Variants in ADAP1 observed in about 807,000 individuals in gnomAD.
ADAP1 encodes arf-GAP with dual PH domain-containing protein 1.
Under a neutral mutation model 54.9 loss-of-function variants are expected in ADAP1, and 31 were observed. The ratio of observed to expected loss-of-function variants is 0.56; its 90% CI spans 0.42 to 0.76. ADAP1 has a LOEUF of 0.76. ADAP1 is among the 30% of genes least tolerant of loss of function. The pLI is 0.00. For synonymous variants in ADAP1, 313 were observed against 202.6 expected (o/e 1.55, Z -4.63); for missense variants, 535 against 512.4 (o/e 1.04, Z -0.42).
At chr7:913,462 A>G (rs1845807279) in intron 4 of ADAP1, among the ~76,000 whole-genome samples, 1 of 151,388 alleles carries the variant, frequency 6.6e-6, no homozygotes, top group African/African-American at 2.4e-5. Context: ...CAGCCTCCCA[A>G]AGTGCTGGGA....
intron 6 of ADAP1, chr7:903,821 CCA>C (rs1844945288): frequency 3.2e-6 from 1 of 310,598 alleles, no homozygotes; most frequent in Non-Finnish European, 6.1e-6. Flanking sequence ...CTGGCAGCCC[CCA>C]CTGACAGGGC....
At position 918,198 on chromosome 7, in the gene ADAP1, C is replaced by T. The variant is rs75771655; in HGVS notation, c.388+1770G>A. 1.8e-3 allele frequency among the ~76,000 whole-genome samples: 280 copies of T among 152,218 alleles called. 2 individuals carry two copies. Among genetic ancestry groups the T allele is most frequent in the African/African-American group, 6.3e-3 (261 of 41,532 alleles). ...CTGCCTCCCAAACTGCTGGAACCAC[C>T]GGCGTGAGCCACCGTGCCCGACCCT... On this transcript the variant is annotated intron_variant, in intron 4 of 10. Coordinates refer to ENST00000265846, the MANE Select transcript of ADAP1 (RefSeq NM_006869.4).
intron 1 of ADAP1, among the ~76,000 whole-genome samples, chr7:947,130 C>T (rs1847160541): frequency 6.6e-6 from 1 of 151,690 alleles, no homozygotes; most frequent in African/African-American, 2.4e-5. Context: ...GCCTCGGCCT[C>T]CTGGGCTCAG....
At position 898,850 on chromosome 7, in the gene ADAP1, C is replaced by T; in HGVS notation, c.*71G>A. The T allele has an allele frequency of 3.2e-6, 5 of 1,545,020 alleles. No homozygotes were observed. The highest frequency in any genetic ancestry group is 3.5e-6 in the Non-Finnish European group (4 of 1,145,742). Reference sequence around the variant, plus strand: ...GCCAGGTGGCCTCAGGACGCCAGAGCCCCCCCATCCACGGGTCCCCTCCGT... The same window carrying T: ...GCCAGGTGGCCTCAGGACGCCAGAGTCCCCCCATCCACGGGTCCCCTCCGT... On this transcript the variant is annotated 3_prime_UTR_variant, in exon 11 of 11. Coordinates refer to ENST00000265846, the MANE Select transcript of ADAP1 (RefSeq NM_006869.4).
intron 3 of ADAP1, among the ~76,000 whole-genome samples, chr7:922,111 C>T (rs974787556): frequency 2.2e-4 from 33 of 152,278 alleles, no homozygotes; most frequent in Admixed American, 1.2e-3. Flanking sequence ...CAGTACTGCC[C>T]GGAGCCCTCC....
intron 5 of ADAP1, 92 bp downstream of exon 5, chr7:904,968 T>A (rs1845029570): frequency 8.9e-7 from 1 of 1,123,524 alleles, no homozygotes; most frequent in South Asian, 1.3e-5. Context: ...GGAGGGCAGC[T>A]GCGGATGGAC....
intron 4 of ADAP1, among the ~76,000 whole-genome samples, chr7:915,870 T>C (rs1380518331): frequency 7.0e-6 from 1 of 143,538 alleles, no homozygotes; most frequent in Non-Finnish European, 1.5e-5. Flanking sequence ...CGCGCCCACT[T>C]TCCACGAGAC....
At position 900,285 on chromosome 7, in the gene ADAP1, T is replaced by A. The variant is rs372647106; in HGVS notation, c.733-121A>T. On this transcript the variant is annotated intron_variant, in intron 7 of 10. Transcript: ENST00000265846. ...CACCAGGTCAGGGCCCAGGCCTGGCTTAGCCTCCGCAGGATCCACATTTCT... is the reference window on the plus strand; with the variant it reads ...CACCAGGTCAGGGCCCAGGCCTGGCATAGCCTCCGCAGGATCCACATTTCT... 1.5e-5 allele frequency: 19 copies of A among 1,240,554 alleles called. No homozygotes were observed. In the East Asian group the frequency reaches 1.7e-4, roughly 11 times the overall value. 76.8% of individuals were successfully genotyped at this position (1,240,554 alleles called of 1,614,324 possible).
chr7:903,902 TTCC>T, intron 6 of ADAP1: 1 of 540,400 alleles, frequency 1.9e-6, no homozygotes. Flanking sequence ...GGAAGCTGCC[TTCC>T]TGCACCTGTC....
At chr7:906,499 GAAAGGGA>G (rs1845354707) in intron 4 of ADAP1, among the ~76,000 whole-genome samples, 1 of 15,654 alleles carries the variant, frequency 6.4e-5, no homozygotes, top group African/African-American at 4.0e-4. Context: ...AGGGAAAGGA[GAAAGGGA>G]GAAAGGAGAA....
At chr7:934,316 T>C (rs1583177259) in intron 2 of ADAP1, among the ~76,000 whole-genome samples, 1 of 139,862 alleles carries the variant, frequency 7.1e-6, no homozygotes, top group East Asian at 2.1e-4. Context: ...GGAGCCGGGG[T>C]CAGTGGTGCT....
At chr7:952,038 C>T (rs549585135) in intron 1 of ADAP1, among the ~76,000 whole-genome samples, 2 of 152,258 alleles carry the variant, frequency 1.3e-5, no homozygotes, top group Admixed American at 6.5e-5. Flanking sequence ...CCCAAACCCC[C>T]TCCCAGGATG....
intron 4 of ADAP1, among the ~76,000 whole-genome samples, chr7:908,446 G>C (rs990736495): frequency 6.6e-6 from 1 of 152,136 alleles, no homozygotes; most frequent in Non-Finnish European, 1.5e-5. Flanking sequence ...CTCACTGCCC[G>C]GAGCTCCCCG....
rs1451020692 is a variant in ADAP1 at position 954,399 on chromosome 7, G to A, written c.79C>T (p.Pro27Ser). 30 of 1,122,910 alleles carry A rather than the reference G, an allele frequency of 2.7e-5. No homozygotes were observed. Among genetic ancestry groups the A allele is most frequent in the Admixed American group, 1.2e-4 (3 of 25,294 alleles). 69.6% of individuals were successfully genotyped at this position (1,122,910 alleles called of 1,614,324 possible). The change falls in exon 1 of 11, where the codon CCG (proline) becomes TCG (serine). Residue 27 changes from proline (P) to serine (S), a missense_variant. By Grantham distance (74) the Pro-to-Ser change is moderately conservative. Transcript: ENST00000265846. Reference protein sequence around the residue: ...GNARCADCGAPDPDWASYTLG... With the variant: ...GNARCADCGASDPDWASYTLG... ...CGCCCACCCGGCCCACACCTACCCGGGGCGCCGCAGTCCGCGCAGCGCGCG... is the reference window on the plus strand; with the variant it reads ...CGCCCACCCGGCCCACACCTACCCGAGGCGCCGCAGTCCGCGCAGCGCGCG...
At chr7:929,514 C>CAAAAA (rs71020548) in intron 2 of ADAP1, among the ~76,000 whole-genome samples, 1 of 89,400 alleles carries the variant, frequency 1.1e-5, no homozygotes, top group African/African-American at 4.8e-5. Context: ...CACCCTGTCT[C>CAAAAA]AAAAAAAAAA....
chr7:903,352 G>T (rs561409894), intron 6 of ADAP1, among the ~76,000 whole-genome samples: 1 of 152,302 alleles, frequency 6.6e-6, no homozygotes, highest in South Asian at 2.1e-4. Context: ...GTGGGAAGTT[G>T]TCAGATGGTG....
At chr7:899,678 A>ACCTCCCTCCTGCT (rs1844687611) in intron 8 of ADAP1, among the ~76,000 whole-genome samples, 188 bp from the exon 9 acceptor site, 1 of 151,360 alleles carries the variant, frequency 6.6e-6, no homozygotes, top group East Asian at 2.0e-4. Flanking sequence ...TCCACACGGC[A>ACCTCCCTCCTGCT]CCTCCCTCCT....
Position 911,292 on chromosome 7 carries a change from C to A in ADAP1, c.389-6120G>T, listed in dbSNP as rs142918490. 4.4e-3 allele frequency among the ~76,000 whole-genome samples: 677 copies of A among 152,236 alleles called. 20 individuals are homozygous for A. Among genetic ancestry groups the A allele is most frequent in the Admixed American group, 0.039 (594 of 15,300 alleles). Reference sequence around the variant, plus strand: ...AGCATGGGGCCCGGCCCCCGACAGGCCTGGAGAGACCCCCCCACTCACACA... The same window carrying A: ...AGCATGGGGCCCGGCCCCCGACAGGACTGGAGAGACCCCCCCACTCACACA... On this transcript the variant is annotated intron_variant, in intron 4 of 10. Transcript: ENST00000265846.
At chr7:943,354 A>C in intron 1 of ADAP1, among the ~76,000 whole-genome samples, 1 of 5,794 alleles carries the variant, frequency 1.7e-4, no homozygotes. Context: ...GAGGAGGAGG[A>C]AGAGGAGGAA....
Sources: allele counts gnomAD v4.1 joint callset (sites outside exome capture counted in the v4.1 genomes callset), GRCh38; gene constraint gnomAD v4.1.1; transcripts MANE v1.5; gene names NCBI Gene and HGNC (gene_info 2026-07-23, HGNC 2026-07-21).